The following CNIH3 variants were observed in gnomAD, a reference collection of about 807,000 sequenced individuals.
CNIH3 encodes the protein cornichon family AMPA receptor auxiliary protein 3, also known as protein cornichon homolog 3.
CNIH3 carries 14 observed loss-of-function variants against 24.1 expected under a neutral mutation model. The observed-to-expected ratio is 0.58, with a 90% CI of 0.38 to 0.91. CNIH3 has a LOEUF of 0.91. Ranked by LOEUF, CNIH3 falls within the 40% of genes least tolerant of loss-of-function variation. The probability of loss-of-function intolerance (pLI) is 0.00; values close to 1 mark genes in which losing one functional copy is unlikely to be tolerated. For synonymous variants in CNIH3, 68 were observed against 73.8 expected (o/e 0.92, Z 0.40); for missense variants, 178 against 196.8 (o/e 0.90, Z 0.57).
intron 3 of CNIH3, among the ~76,000 whole-genome samples, chr1:224,558,236 G>A (rs1258908527): frequency 6.6e-6 from 1 of 152,092 alleles, no homozygotes; most frequent in African/African-American, 2.4e-5. Context: ...CTTTTCATGT[G>A]TTCTTCTATC....
chr1:224,450,953 T>C (rs1675371179), intron 1 of CNIH3, among the ~76,000 whole-genome samples: 1 of 152,270 alleles, frequency 6.6e-6, no homozygotes, highest in Non-Finnish European at 1.5e-5. Context: ...AAATATGCTT[T>C]TAACCTTTAC....
chr1:224,537,928 G>C (rs1482700929), downstream of CNIH3, among the ~76,000 whole-genome samples: 1 of 151,922 alleles, frequency 6.6e-6, no homozygotes, highest in Non-Finnish European at 1.5e-5. Flanking sequence ...AAGTGGAGTA[G>C]AGTGGAAATC....
chr1:224,435,601 A>G (rs998921833), intron 1 of CNIH3: 3 of 152,252 alleles, frequency 2.0e-5, no homozygotes, highest in Admixed American at 2.0e-4. Flanking sequence ...GAGCAGTAAC[A>G]TAAACCAAAC....
At chr1:224,690,635 T>C (rs944999046) in intron 3 of CNIH3, among the ~76,000 whole-genome samples, 1 of 152,238 alleles carries the variant, frequency 6.6e-6, no homozygotes, top group African/African-American at 2.4e-5. Flanking sequence ...CTCCAATTCA[T>C]GTCCCAGTTT....
intron 1 of CNIH3, among the ~76,000 whole-genome samples, chr1:224,460,474 C>A (rs1250323313): frequency 6.6e-6 from 1 of 152,198 alleles, no homozygotes; most frequent in Non-Finnish European, 1.5e-5. Context: ...TAAATGGAAT[C>A]ATAGAGTACG....
At chr1:224,586,084 A>G (rs1681495623) in intron 5 of CNIH3, among the ~76,000 whole-genome samples, 1 of 152,208 alleles carries the variant, frequency 6.6e-6, no homozygotes, top group Admixed American at 6.5e-5. Context: ...AATGAATGGG[A>G]CTGAGAGGGA....
chr1:224,544,400 C>T (rs753786984), intron 2 of CNIH3, among the ~76,000 whole-genome samples: 12 of 152,182 alleles, frequency 7.9e-5, no homozygotes, highest in African/African-American at 1.2e-4. Flanking sequence ...TCATCTCATG[C>T]ACGCCAACTC....
intron 1 of CNIH3, among the ~76,000 whole-genome samples, chr1:224,463,440 C>T (rs1394871380): frequency 1.3e-5 from 2 of 150,996 alleles, no homozygotes; most frequent in South Asian, 2.1e-4. Context: ...CGGAGCTTCA[C>T]TCTTGTTGCC....
At chr1:224,485,518 G>A (rs1044073766) in intron 1 of CNIH3, among the ~76,000 whole-genome samples, 2 of 151,868 alleles carry the variant, frequency 1.3e-5, no homozygotes, top group Non-Finnish European at 2.9e-5. Flanking sequence ...TTAGAGACAG[G>A]GTCTGATTCT....
chr1:224,634,985 G>C (rs953604504), intron 1 of CNIH3, among the ~76,000 whole-genome samples: 1 of 152,204 alleles, frequency 6.6e-6, no homozygotes, highest in African/African-American at 2.4e-5. Context: ...CTCACAAGGG[G>C]TGTGTTAGTT....
chr1:224,495,207 A>G (rs1390968691), intron 1 of CNIH3, among the ~76,000 whole-genome samples: 1 of 152,182 alleles, frequency 6.6e-6, no homozygotes, highest in Non-Finnish European at 1.5e-5. Context: ...TAAGGACTTG[A>G]GACTACCTCA....
At position 224,503,288 on chromosome 1, in the gene CNIH3, C is replaced by A. The variant is rs978261608; in HGVS notation, n.204-12453C>A. Among the ~76,000 whole-genome samples, 23 of 152,304 alleles carry A rather than the reference C, an allele frequency of 1.5e-4. No individual in the cohort carries two copies. The South Asian group carries it at 1.7e-3, about 11-fold the overall frequency. On this transcript the variant is annotated intron_variant and non_coding_transcript_variant, in intron 1 of 5. Transcript: ENST00000471578. Reference sequence around the variant, plus strand: ...TGCTGCACTTGCTGAAAGCCAGGACCGCAGAGTGTTCCACATCTCCTTCCC... The same window carrying A: ...TGCTGCACTTGCTGAAAGCCAGGACAGCAGAGTGTTCCACATCTCCTTCCC...
At chr1:224,548,204 T>C (rs904266014) in intron 3 of CNIH3, among the ~76,000 whole-genome samples, 10 of 152,056 alleles carry the variant, frequency 6.6e-5, no homozygotes, top group Non-Finnish European at 1.2e-4. Context: ...AATATCACAA[T>C]GGGTGTACAC....
intron 3 of CNIH3, among the ~76,000 whole-genome samples, chr1:224,716,450 T>C (rs1393248911): frequency 3.3e-5 from 5 of 152,214 alleles, no homozygotes; most frequent in Non-Finnish European, 7.3e-5. Flanking sequence ...AAATGCTGAA[T>C]GAGTGAATAA....
intron 1 of CNIH3, among the ~76,000 whole-genome samples, chr1:224,620,587 A>T (rs1683231465): frequency 6.6e-6 from 1 of 152,196 alleles, no homozygotes; most frequent in Admixed American, 6.5e-5. Flanking sequence ...TTTAAATTAG[A>T]CTTCTGCTTA....
exon 6 of CNIH3, chr1:224,588,512 A>G (rs1454355191): frequency 6.6e-6 from 1 of 152,192 alleles, no homozygotes; most frequent in Non-Finnish European, 1.5e-5. Flanking sequence ...TCATGGCCCA[A>G]TGGCAGAGTG....
At chr1:224,597,179 A>AAC (rs1682019548) in intron 3 of CNIH3, among the ~76,000 whole-genome samples, 3 of 152,000 alleles carry the variant, frequency 2.0e-5, no homozygotes, top group South Asian at 4.1e-4. Context: ...ACAAACAAAA[A>AAC]AAAAAACAAA....
At chr1:224,505,032 C>CCCTTCCTTCCTCCCTT (rs1677848209) in intron 1 of CNIH3, among the ~76,000 whole-genome samples, 1 of 45,822 alleles carries the variant, frequency 2.2e-5, no homozygotes, top group Non-Finnish European at 4.0e-5. Flanking sequence ...CTCCCTCCCT[C>CCCTTCCTTCCTCCCTT]CCTTCCTTCC....
chr1:224,653,018 G>A (rs186929794), intron 1 of CNIH3, among the ~76,000 whole-genome samples: 6 of 152,212 alleles, frequency 3.9e-5, no homozygotes, highest in African/African-American at 9.6e-5. Context: ...GGCACATTTT[G>A]TGCCAGCCCT....
Sources: gnomAD v4.1 joint callset for allele counts (sites outside exome capture counted in the v4.1 genomes callset) on GRCh38, gnomAD v4.1.1 for gene constraint, MANE v1.5 for transcripts, NCBI Gene and HGNC (gene_info 2026-07-23, HGNC 2026-07-21) for gene names.